Variants in PRPF18 observed in about 807,000 individuals in gnomAD.
PRPF18 encodes the protein pre-mRNA processing factor 18, also known as pre-mRNA-splicing factor 18.
In PRPF18, 38 loss-of-function variants were observed where a neutral mutation model predicts 46.5. That is an observed-to-expected ratio of 0.82 (90% CI 0.63 to 1.07). The LOEUF (loss-of-function observed/expected upper bound fraction) is 1.07. PRPF18 is among the 50% of genes least tolerant of loss of function. The pLI, the probability that PRPF18 is intolerant of heterozygous loss-of-function variation, is 0.00. For synonymous variants in PRPF18, 152 were observed against 146.7 expected (o/e 1.04, Z -0.26); for missense variants, 263 against 410.0 (o/e 0.64, Z 3.10).
chr10:13,609,022 G>T (rs2080232779), intron 4 of PRPF18, among the ~76,000 whole-genome samples: 1 of 152,226 alleles, frequency 6.6e-6, no homozygotes. Flanking sequence ...TGATCAGTCA[G>T]TGTTTGAGAA....
intron 6 of PRPF18, among the ~76,000 whole-genome samples, chr10:13,613,345 C>T (rs1272912828): frequency 6.6e-6 from 1 of 152,170 alleles, no homozygotes; most frequent in African/African-American, 2.4e-5. Context: ...GGTTTTTAAA[C>T]TTAATCATGG....
the PRPF18 span, chr10:13,648,857 T>C: frequency 4.6e-5 from 7 of 152,000 alleles, no homozygotes; most frequent in Non-Finnish European, 1.0e-4. Flanking sequence ...CCCTAAGGGG[T>C]TTCATGAGAT....
intron 1 of PRPF18, among the ~76,000 whole-genome samples, chr10:13,595,555 G>A (rs982700086): frequency 6.6e-6 from 1 of 152,264 alleles, no homozygotes; most frequent in African/African-American, 2.4e-5. Context: ...TCAGAACAAA[G>A]GGTTTAAGGA....
the PRPF18 span, among the ~76,000 whole-genome samples, chr10:13,636,159 C>T: frequency 6.6e-6 from 1 of 152,204 alleles, no homozygotes; most frequent in Admixed American, 6.5e-5. Flanking sequence ...TGGTGGCTCA[C>T]GCCTGTAATG....
In PRPF18 at chr10:13,587,165, C is replaced by G; in HGVS notation, c.66+13C>G. 1 of 1,609,726 alleles carries G rather than the reference C, an allele frequency of 6.2e-7. No homozygotes were observed. The highest frequency in any genetic ancestry group is 8.5e-7 in the Non-Finnish European group (1 of 1,176,272). On this transcript the variant is annotated intron_variant, in intron 1 of 9. Transcript: ENST00000378572. ...GAACCTGCTGGTGGTGAGGACCCTGCGGTCGTGGGGGTCGGGATGTAAGAG... is the reference window on the plus strand; with the variant it reads ...GAACCTGCTGGTGGTGAGGACCCTGGGGTCGTGGGGGTCGGGATGTAAGAG...
At chr10:13,616,806 A>T (rs2080348047) in intron 9 of PRPF18, among the ~76,000 whole-genome samples, 1 of 151,348 alleles carries the variant, frequency 6.6e-6, no homozygotes, top group Admixed American at 6.6e-5. Flanking sequence ...AAATAAAATG[A>T]TTGCAGTTTG....
At chr10:13,593,749 A>T (rs879064742) in intron 1 of PRPF18, among the ~76,000 whole-genome samples, 1 of 152,212 alleles carries the variant, frequency 6.6e-6, no homozygotes, top group Non-Finnish European at 1.5e-5. Flanking sequence ...GAAAGGACCA[A>T]TGAAGATCCA....
chr10:13,623,158 G>T (rs1054100633), intron 9 of PRPF18, among the ~76,000 whole-genome samples: 1 of 151,858 alleles, frequency 6.6e-6, no homozygotes, highest in East Asian at 1.9e-4. Context: ...CCGAGATTGC[G>T]CCACTGCACT....
the PRPF18 span, among the ~76,000 whole-genome samples, chr10:13,638,336 T>G: frequency 2.0e-5 from 3 of 148,542 alleles, no homozygotes; most frequent in Non-Finnish European, 4.4e-5. Flanking sequence ...CATGAAATCA[T>G]TTTGTATAAA....
At chr10:13,597,624 C>G (rs748579351) in intron 2 of PRPF18, 89 bp downstream of exon 2, 1 of 1,603,450 alleles carries the variant, frequency 6.2e-7, no homozygotes, top group Non-Finnish European at 8.5e-7. Context: ...GATCTCTGTT[C>G]AATTTATCAA....
In PRPF18 at chr10:13,610,111, C is replaced by G; in HGVS notation, c.436C>G (p.Gln146Glu). The change falls in exon 5 of 10, where the codon CAG (glutamine) becomes GAG (glutamate). Residue 146 changes from glutamine (Q) to glutamate (E), a missense_variant. Around this residue, in one of 4 missense-constraint regions of PRPF18, gnomAD observed 155 missense variants for 245.1 expected, o/e 0.63. Transcript: ENST00000378572. ...QQYLNEIVGGQEPGEEDTQND... is the reference protein window; with the variant it reads ...QQYLNEIVGGEEPGEEDTQND... ...GTACCTCAATGAAATCGTCGGCGGTCAGGAGCCTGGAGAGGAAGACACACA... is the reference window on the plus strand; with the variant it reads ...GTACCTCAATGAAATCGTCGGCGGTGAGGAGCCTGGAGAGGAAGACACACA... 6.2e-7 allele frequency: 1 copy of G among 1,613,956 alleles called. No homozygotes were observed. Among genetic ancestry groups the G allele is most frequent in the Non-Finnish European group, 8.5e-7 (1 of 1,179,852 alleles).
At chr10:13,652,863 C>G in the PRPF18 span, 7 of 152,206 alleles carry the variant, frequency 4.6e-5, no homozygotes, top group African/African-American at 1.4e-4. Context: ...CGAGAATTTG[C>G]ATTTCTGACA....
At chr10:13,601,437 C>G (rs1407567800) in intron 3 of PRPF18, among the ~76,000 whole-genome samples, 2 of 152,104 alleles carry the variant, frequency 1.3e-5, no homozygotes, top group Non-Finnish European at 1.5e-5. Context: ...CAAATCAATA[C>G]AAAAGGCTGT....
intron 1 of PRPF18, chr10:13,591,554 A>C: frequency 1.4e-6 from 1 of 719,666 alleles, no homozygotes. Context: ...TTTTGGTAAA[A>C]TTTGTGACTC....
intron 9 of PRPF18, among the ~76,000 whole-genome samples, chr10:13,629,346 C>G (rs571123696): frequency 6.6e-6 from 1 of 152,312 alleles, no homozygotes; most frequent in African/African-American, 2.4e-5. Flanking sequence ...TCAGTTTTTA[C>G]TGACATATTA....
intron 4 of PRPF18, among the ~76,000 whole-genome samples, chr10:13,607,985 C>A (rs2080214279): frequency 6.6e-6 from 1 of 152,154 alleles, no homozygotes. Flanking sequence ...GCCTTGCTAA[C>A]TTTTTATCTA....
Position 13,607,323 on chromosome 10 carries a change from C to CAG in PRPF18, c.363+1581_363+1582dup, listed in dbSNP as rs2080203880. Among the ~76,000 whole-genome samples, 5 of 152,164 alleles carry CAG rather than the reference C, an allele frequency of 3.3e-5. 1 individual carries two copies. The highest frequency in any genetic ancestry group is 3.3e-4 in the Admixed American group (5 of 15,276). On this transcript the variant is annotated intron_variant, in intron 4 of 9. Coordinates refer to ENST00000378572, the MANE Select transcript of PRPF18 (RefSeq NM_003675.4). Reference sequence around the variant, plus strand: ...TATATTCTGGATAGAAGTTCTTTGTCAGATATACGAATATTTTTTGTGACT... The same window carrying CAG: ...TATATTCTGGATAGAAGTTCTTTGTCAGAGATATACGAATATTTTTTGTGACT...
chr10:13,602,751 G>T (rs1170388223), intron 3 of PRPF18, among the ~76,000 whole-genome samples: 1 of 151,826 alleles, frequency 6.6e-6, no homozygotes, highest in African/African-American at 2.4e-5. Context: ...TCGATTTTTT[G>T]AGACAAAGTC....
chr10:13,600,086 G>A (rs1409322), intron 2 of PRPF18, among the ~76,000 whole-genome samples, 158 bp from the exon 3 acceptor site: 119,205 of 152,184 alleles, frequency 0.78, 47,130 homozygotes, highest in East Asian at 0.87. Flanking sequence ...ACTCTCTTTT[G>A]TAAGCATGTA....
Sources: allele counts gnomAD v4.1 joint callset (sites outside exome capture counted in the v4.1 genomes callset), GRCh38; gene constraint gnomAD v4.1.1; regional missense constraint gnomAD v4.1.1; transcripts MANE v1.5; gene names NCBI Gene and HGNC (gene_info 2026-07-23, HGNC 2026-07-21).